Variants in DNAH5 observed in about 807,000 individuals in gnomAD.
DNAH5 encodes dynein axonemal heavy chain 5.
In DNAH5, 372 loss-of-function variants were observed where a neutral mutation model predicts 518.2. The observed-to-expected ratio is 0.72, with a 90% CI of 0.66 to 0.78. DNAH5 has a LOEUF of 0.78. Ranked by LOEUF, DNAH5 falls within the 30% of genes least tolerant of loss-of-function variation. DNAH5 has a pLI of 0.00. For missense variants in DNAH5, 5,523 were observed against 5,687.0 expected (o/e 0.97, Z 0.93); for synonymous variants, 2,039 against 2,025.9 (o/e 1.01, Z -0.17).
chr5:13,947,924 T>G (rs1780056602), upstream of DNAH5, among the ~76,000 whole-genome samples: 1 of 152,242 alleles, frequency 6.6e-6, no homozygotes, highest in Admixed American at 6.5e-5. Context: ...TCATTCCAAA[T>G]GCAACATGAT....
In DNAH5 at chr5:13,985,077, A is replaced by G. The variant is rs532827435; in HGVS notation, c.12+26571T>C. Among the ~76,000 whole-genome samples the G allele has an allele frequency of 3.6e-3, 550 of 152,266 alleles. 2 individuals are homozygous for G. Among genetic ancestry groups the G allele is most frequent in the African/African-American group, 0.013 (533 of 41,534 alleles). ...GATTAAGAAAATGTGGCACAAATAC[A>G]CCATGGAATACTATGCAGCCATAAA... On this transcript the variant is annotated intron_variant, in intron 1 of 78. Coordinates refer to the DNAH5 transcript ENST00000681290.
At chr5:13,772,090 T>C (rs1753420257) in intron 55 of DNAH5, among the ~76,000 whole-genome samples, 1 of 152,188 alleles carries the variant, frequency 6.6e-6, no homozygotes, top group East Asian at 1.9e-4. Context: ...AAGAACGGTT[T>C]AAACTCTAAG....
Position 13,793,919 on chromosome 5 carries a change from C to A in DNAH5, c.8010+17G>T. The A allele has an allele frequency of 6.2e-7, 1 of 1,613,632 alleles. No homozygotes were observed. The highest frequency in any genetic ancestry group is 1.3e-5 in the African/African-American group (1 of 74,986). On this transcript the variant is annotated intron_variant, in intron 48 of 78. Transcript: ENST00000265104. ...TACCAAATTAAAGAAATAAAATGCA[C>A]AATAGAATGATGATACCTGATCTCC...
chr5:13,779,586 G>A (rs1036193003), intron 53 of DNAH5, among the ~76,000 whole-genome samples: 13 of 152,102 alleles, frequency 8.5e-5, no homozygotes, highest in African/African-American at 3.1e-4. Context: ...ACCTTATCTT[G>A]GTTAATCCTG....
At chr5:13,900,142 A>G (rs1774400877) in intron 15 of DNAH5, 64 bp downstream of exon 15, 1 of 1,411,878 alleles carries the variant, frequency 7.1e-7, no homozygotes, top group Non-Finnish European at 1.0e-6. Context: ...ACACATCACC[A>G]TATTTTTTTA....
chr5:13,808,456 T>C (rs1036203730), intron 46 of DNAH5, among the ~76,000 whole-genome samples: 6 of 152,066 alleles, frequency 3.9e-5, no homozygotes, highest in Non-Finnish European at 7.4e-5. Flanking sequence ...CCTAGCAAAC[T>C]AGCTCAGCGA....
intron 1 of DNAH5, among the ~76,000 whole-genome samples, chr5:13,987,402 C>T (rs574886354): frequency 8.5e-5 from 13 of 152,068 alleles, no homozygotes; most frequent in Admixed American, 2.0e-4. Context: ...AGCTGTAAAA[C>T]AACCGGTACC....
rs564090738 is a variant in DNAH5 at position 13,937,514 on chromosome 5, T to A, written c.58-6270A>T. On this transcript the variant is annotated intron_variant, in intron 1 of 78. Transcript: ENST00000265104. ...CTCGGAGGTTAGTTCCTCATTTGGG[T>A]AGTCAGTAGGTGATGCTCCAGATTC... 9.3e-5 allele frequency among the ~76,000 whole-genome samples: 14 copies of A among 149,952 alleles called. No homozygotes were observed. The East Asian group carries it at 2.6e-3, about 28-fold the overall frequency.
At chr5:13,813,457 G>GAAAAAAAAAAAAAAAAA (rs374318289) in intron 43 of DNAH5, among the ~76,000 whole-genome samples, 1 of 136,770 alleles carries the variant, frequency 7.3e-6, no homozygotes, top group Non-Finnish European at 1.6e-5. Context: ...GCACTTAAAA[G>GAAAAAAAAAAAAAAAAA]AAAAAAAAAA....
At chr5:13,959,252 T>C (rs758107913) in intron 1 of DNAH5, among the ~76,000 whole-genome samples, 1 of 152,214 alleles carries the variant, frequency 6.6e-6, no homozygotes, top group East Asian at 1.9e-4. Context: ...TGGTTCTCAA[T>C]GGCTTTTAAT....
At chr5:13,984,935 C>T (rs945167936) in intron 1 of DNAH5, among the ~76,000 whole-genome samples, 19 of 152,120 alleles carry the variant, frequency 1.2e-4, no homozygotes, top group Non-Finnish European at 2.5e-4. Context: ...TGGGTATATA[C>T]ACAAAGGAAT....
intron 41 of DNAH5, 76 bp downstream of exon 41, chr5:13,820,270 A>G: frequency 6.8e-7 from 1 of 1,460,120 alleles, no homozygotes; most frequent in Non-Finnish European, 9.5e-7. Context: ...CTGCCTGTGT[A>G]TCCCTCTTGG....
chr5:13,821,615 G>C, intron 40 of DNAH5, among the ~76,000 whole-genome samples: 1 of 152,116 alleles, frequency 6.6e-6, no homozygotes, highest in South Asian at 2.1e-4. Flanking sequence ...CATGGTCTAT[G>C]CACTTAATCA....
chr5:13,991,932 C>T (rs922718259), intron 1 of DNAH5, among the ~76,000 whole-genome samples: 3 of 152,160 alleles, frequency 2.0e-5, no homozygotes, highest in African/African-American at 7.2e-5. Context: ...TGAGTGTCAT[C>T]TCTAACAAGC....
In DNAH5 at chr5:13,866,208, T is replaced by G. The variant is rs1223629368; in HGVS notation, c.4116+12A>C. 2 of 1,612,336 alleles carry G rather than the reference T, an allele frequency of 1.2e-6. No individual in the cohort carries two copies. Among genetic ancestry groups the G allele is most frequent in the Non-Finnish European group, 1.7e-6 (2 of 1,178,820 alleles). ...TCATTGTTTAGAAAGTCATAGAAACTAAAAAGATTACCTGAAACATGATAA... is the reference window on the plus strand; with the variant it reads ...TCATTGTTTAGAAAGTCATAGAAACGAAAAAGATTACCTGAAACATGATAA... On this transcript the variant is annotated intron_variant, in intron 26 of 78. Coordinates refer to ENST00000265104, the MANE Select transcript of DNAH5 (RefSeq NM_001369.3).
Position 13,829,508 on chromosome 5 carries a change from A to G in DNAH5, c.6444+2T>C. On this transcript the variant is annotated splice_donor_variant, in intron 38 of 78. Coordinates refer to ENST00000265104, the MANE Select transcript of DNAH5 (RefSeq NM_001369.3). LOFTEE classifies it high-confidence loss of function. Reference sequence around the variant, plus strand: ...GTGCATAAGACCTCCAGGATGACACACCTGCTTAGAAAGCTGCTCCTCACA... The same window carrying G: ...GTGCATAAGACCTCCAGGATGACACGCCTGCTTAGAAAGCTGCTCCTCACA... 1 of 1,614,114 alleles carries G rather than the reference A, an allele frequency of 6.2e-7. No individual in the cohort carries two copies. Among genetic ancestry groups the G allele is most frequent in the Non-Finnish European group, 8.5e-7 (1 of 1,179,978 alleles).
rs1742876264 is a variant in DNAH5, at chr5:13,707,007, T to G, written c.13338+1116A>C. ...CAAATGTTGCATTTTCCAAGACCAC[T>G]CTGGCCCACCATGCCCCGCATCCTG... On this transcript the variant is annotated intron_variant, in intron 76 of 78. Transcript: ENST00000265104. The surrounding 1 kb of genome is among the most constrained non-coding windows in gnomAD (Gnocchi z 4.0). Among the ~76,000 whole-genome samples the G allele has an allele frequency of 6.6e-6, 1 of 152,134 alleles. No individual in the cohort carries two copies. The highest frequency in any genetic ancestry group is 2.1e-4 in the South Asian group (1 of 4,830).
At chr5:13,749,586 T>C (rs1030081088) in intron 65 of DNAH5, among the ~76,000 whole-genome samples, 3 of 152,224 alleles carry the variant, frequency 2.0e-5, no homozygotes, top group African/African-American at 7.2e-5. Context: ...AAATTATTTG[T>C]TCCAAGGAGA....
intron 68 of DNAH5, among the ~76,000 whole-genome samples, 166 bp downstream of exon 68, chr5:13,734,965 C>T (rs1747156095): frequency 1.3e-5 from 2 of 152,086 alleles, no homozygotes; most frequent in Admixed American, 1.3e-4. Flanking sequence ...AGTAGGTCCT[C>T]AATAGATAGT....
Sources: gnomAD v4.1 joint callset for allele counts (sites outside exome capture counted in the v4.1 genomes callset) on GRCh38, gnomAD v4.1.1 for gene constraint, Gnocchi (gnomAD v3.1) non-coding constraint, MANE v1.5 for transcripts, NCBI Gene and HGNC (gene_info 2026-07-23, HGNC 2026-07-21) for gene names.